ARHGAP10: variants seen among roughly 807,000 people sequenced by gnomAD.
ARHGAP10 encodes the protein rho GTPase-activating protein 10.
A neutral mutation model predicts 108.6 loss-of-function variants in ARHGAP10; 87 were observed. That is an observed-to-expected ratio of 0.80 (90% CI 0.67 to 0.96). The LOEUF (loss-of-function observed/expected upper bound fraction) is 0.96, where lower values mean the gene tolerates loss of function less well. ARHGAP10 is among the 40% of genes least tolerant of loss of function. The pLI is 0.00. For synonymous variants in ARHGAP10, 347 were observed against 341.1 expected, an observed-to-expected ratio of 1.02 and a Z score of -0.19; for missense variants, 939 against 954.5, an observed-to-expected ratio of 0.98 and a Z score of 0.21.
chr4:147,833,089 G>A (rs79064289), intron 3 of ARHGAP10, among the ~76,000 whole-genome samples: 4,476 of 152,278 alleles, frequency 0.029, 212 homozygotes, highest in African/African-American at 0.1. Flanking sequence ...ATACAAGAAT[G>A]GAGCTCCTTA....
intron 18 of ARHGAP10, among the ~76,000 whole-genome samples, chr4:148,022,675 G>A (rs1164922331): frequency 1.3e-5 from 2 of 152,108 alleles, no homozygotes; most frequent in Admixed American, 1.3e-4. Flanking sequence ...AATATTCTAG[G>A]TTTCATAAAT....
chr4:148,058,784 T>C (rs529937125), intron 20 of ARHGAP10, among the ~76,000 whole-genome samples: 17 of 152,360 alleles, frequency 1.1e-4, no homozygotes, highest in Admixed American at 3.3e-4. Flanking sequence ...CATAATTTCA[T>C]GTTTTGGGGT....
chr4:147,951,738 C>G (rs995389359), intron 15 of ARHGAP10, among the ~76,000 whole-genome samples: 2 of 152,064 alleles, frequency 1.3e-5, no homozygotes, highest in African/African-American at 2.4e-5. Flanking sequence ...CAGGTGTGAG[C>G]TACCATGCTT....
At chr4:148,039,565 G>T (rs1331494582) in intron 19 of ARHGAP10, among the ~76,000 whole-genome samples, 2 of 151,494 alleles carry the variant, frequency 1.3e-5, no homozygotes, top group African/African-American at 4.9e-5. Context: ...CTCCCAAAGT[G>T]CTGGGATTAC....
chr4:148,061,334 A>C (rs1729611768), intron 20 of ARHGAP10, among the ~76,000 whole-genome samples: 1 of 152,144 alleles, frequency 6.6e-6, no homozygotes, highest in Non-Finnish European at 1.5e-5. Flanking sequence ...AAGCACCTTG[A>C]ATAATTGCTG....
At chr4:147,862,068 T>G (rs1463772018) in intron 5 of ARHGAP10, 1 of 152,408 alleles carries the variant, frequency 6.6e-6, no homozygotes, top group African/African-American at 2.4e-5. Context: ...CCCAAGGTAT[T>G]TGTGCCAAGA....
At chr4:147,782,501 AGC>A (rs1020243000) in intron 1 of ARHGAP10, 1 of 152,192 alleles carries the variant, frequency 6.6e-6, no homozygotes, top group African/African-American at 2.4e-5. Flanking sequence ...CAAGAACTAA[AGC>A]TGAGAAATCT....
At position 147,822,895 on chromosome 4, in the gene ARHGAP10, G is replaced by C; in HGVS notation, c.251-1G>C. ...AAATAATCACTCCTTTCTTCTTACA[G>C]ATGCTTCCTTACGTGAATTTTCAAA... On this transcript the variant is annotated splice_acceptor_variant, in intron 2 of 22. Transcript: ENST00000336498. LOFTEE classifies it high-confidence loss of function. 1 of 1,614,014 alleles carries C rather than the reference G, an allele frequency of 6.2e-7. No homozygotes were observed. The highest frequency in any genetic ancestry group is 1.1e-5 in the South Asian group (1 of 91,080).
At chr4:147,904,684 A>G (rs967172048) in intron 10 of ARHGAP10, among the ~76,000 whole-genome samples, 9 of 152,232 alleles carry the variant, frequency 5.9e-5, no homozygotes, top group African/African-American at 1.9e-4. Context: ...TAGTGCCACA[A>G]TAAACATACG....
In ARHGAP10 at chr4:147,933,487, G is replaced by C. The variant is rs560795643; in HGVS notation, c.1229-6338G>C. Among the ~76,000 whole-genome samples the C allele has an allele frequency of 4.6e-5, 7 of 152,316 alleles. No homozygotes were observed. In the South Asian group the frequency reaches 1.5e-3, roughly 32 times the overall value. On this transcript the variant is annotated intron_variant, in intron 13 of 22. Transcript: ENST00000336498. ...AGTCTGGCTTTGTGCCTGTTCTTCA[G>C]AGGGCCTTCCAGGATTCTAAGATGA...
chr4:147,793,819 T>C (rs1731214966), intron 1 of ARHGAP10, among the ~76,000 whole-genome samples: 1 of 152,188 alleles, frequency 6.6e-6, no homozygotes, highest in South Asian at 2.1e-4. Context: ...CTTTGTACAT[T>C]GATACGTATT....
intron 18 of ARHGAP10, among the ~76,000 whole-genome samples, chr4:147,986,057 A>G (rs1446708255): frequency 2.0e-5 from 3 of 152,074 alleles, no homozygotes; most frequent in South Asian, 2.1e-4. Context: ...TTTATGCACT[A>G]TTTTGCTATT....
At chr4:147,993,274 T>G (rs1292994016) in intron 18 of ARHGAP10, among the ~76,000 whole-genome samples, 1 of 152,234 alleles carries the variant, frequency 6.6e-6, no homozygotes, top group Admixed American at 6.5e-5. Context: ...GCCTGGAATT[T>G]GCTTCACAAT....
chr4:147,943,494 G>C (rs1295052748), intron 14 of ARHGAP10, among the ~76,000 whole-genome samples: 3 of 152,228 alleles, frequency 2.0e-5, no homozygotes, highest in Non-Finnish European at 2.9e-5. Flanking sequence ...TCAGTGTTGA[G>C]TAGGGTGCTA....
intron 1 of ARHGAP10, among the ~76,000 whole-genome samples, chr4:147,740,047 C>CT (rs59246980): frequency 0.039 from 4,608 of 118,882 alleles, 128 homozygotes; most frequent in Middle Eastern, 0.06. Flanking sequence ...TACTGGGTTA[C>CT]TTTTTTTTTT....
rs372276820 is a variant in ARHGAP10, at chr4:147,857,545, A to G, written c.385-8A>G. 7.7e-7 allele frequency: 1 copy of G among 1,291,776 alleles called. No individual in the cohort carries two copies. The highest frequency in any genetic ancestry group is 1.0e-6 in the Non-Finnish European group (1 of 983,716). 80.0% of individuals were successfully genotyped at this position (1,291,776 alleles called of 1,614,324 possible). ...TCTGTTTAATCATAGTTTTTTTTTT[A>G]TTTGTAGGAAGAAAAAAAGAAGTTT... is the stretch of plus-strand genomic sequence containing the variant. On this transcript the variant is annotated splice_region_variant and splice_polypyrimidine_tract_variant and intron_variant, in intron 4 of 22. Transcript: ENST00000336498.
chr4:147,830,319 A>C (rs1732897902), intron 3 of ARHGAP10, among the ~76,000 whole-genome samples: 1 of 152,080 alleles, frequency 6.6e-6, no homozygotes, highest in African/African-American at 2.4e-5. Context: ...GTCACAGGCA[A>C]GACGTGATGC....
chr4:147,934,206 A>G (rs4527453), intron 13 of ARHGAP10, among the ~76,000 whole-genome samples: 136,009 of 152,252 alleles, frequency 0.89, 61,291 homozygotes, highest in East Asian at 0.97. Context: ...CTGCAGGCTC[A>G]AGGCCAAAGA....
intron 1 of ARHGAP10, among the ~76,000 whole-genome samples, chr4:147,749,995 G>C (rs958394912): frequency 5.9e-5 from 9 of 152,196 alleles, no homozygotes; most frequent in African/African-American, 2.2e-4. Context: ...CTTTTTGGCA[G>C]TGTTTACCTG....
Sources: gnomAD v4.1 joint callset for allele counts (sites outside exome capture counted in the v4.1 genomes callset) on GRCh38, gnomAD v4.1.1 for gene constraint, MANE v1.5 for transcripts, NCBI Gene and HGNC (gene_info 2026-07-23, HGNC 2026-07-21) for gene names.